ZNF711: variants seen among roughly 807,000 people sequenced by gnomAD.
ZNF711 encodes ZFX family zinc finger ZNF711.
A neutral mutation model predicts 43.5 loss-of-function variants in ZNF711; 3 were observed. The observed-to-expected ratio is 0.07, with a 90% confidence interval of 0.03 to 0.18. The LOEUF (loss-of-function observed/expected upper bound fraction) is 0.18, where lower values mean the gene tolerates loss of function less well. ZNF711 is among the 10% of genes least tolerant of loss of function. The pLI, the probability that ZNF711 is intolerant of heterozygous loss-of-function variation, is 1.00. For synonymous variants in ZNF711, 209 were observed against 207.7 expected, an observed-to-expected ratio of 1.01 and a Z score of -0.06; for missense variants, 412 against 604.0, an observed-to-expected ratio of 0.68 and a Z score of 3.33.
At chrX:85,257,652 T>C (rs1016788259) in intron 5 of ZNF711, among the ~76,000 whole-genome samples, 3 of 112,582 alleles carry the variant, frequency 2.7e-5, no homozygotes, top group African/African-American at 9.7e-5. Flanking sequence ...TGTGTCTTCA[T>C]GGTAGAATGA....
chrX:85,254,454 A>G (rs1477247972), intron 4 of ZNF711, among the ~76,000 whole-genome samples: 1 of 83,412 alleles, frequency 1.2e-5, no homozygotes, highest in African/African-American at 5.5e-5. Context: ...AAAAATACAA[A>G]AAATTAGCCG....
intron 5 of ZNF711, among the ~76,000 whole-genome samples, chrX:85,256,980 T>C (rs1249445462): frequency 9.0e-6 from 1 of 111,635 alleles, no homozygotes; most frequent in Non-Finnish European, 1.9e-5. Flanking sequence ...TAAAATTCAG[T>C]ATGTCTTCAA....
Position 85,271,301 on chromosome X carries a change from C to A in ZNF711, c.1897C>A (p.His633Asn). 1 of 1,210,434 alleles carries A rather than the reference C, an allele frequency of 8.3e-7. No homozygotes were observed. Among genetic ancestry groups the A allele is most frequent in the Non-Finnish European group, 1.1e-6 (1 of 894,901 alleles). Residue 633 changes from histidine to asparagine, a missense_variant, in exon 11 of 11, where the codon CAT becomes AAT. Transcript: ENST00000674551. ...LQRHLDLFQG[H>N]KTHQCPHCDH... ...ACGCCATCTGGATTTGTTTCAAGGA[C>A]ATAAGACACACCAGTGTCCTCATTG...
chrX:85,254,212 T>A (rs1929819697), intron 4 of ZNF711, among the ~76,000 whole-genome samples: 1 of 111,248 alleles, frequency 9.0e-6, no homozygotes, highest in Admixed American at 9.5e-5. Flanking sequence ...TAAGTGCATA[T>A]TTAGTTTTGT....
At chrX:85,269,538 G>T (rs1931393583) in intron 9 of ZNF711, among the ~76,000 whole-genome samples, 1 of 108,422 alleles carries the variant, frequency 9.2e-6, no homozygotes, top group African/African-American at 3.4e-5. Flanking sequence ...ATGCCACCAT[G>T]CCTGACCAAT....
At chrX:85,260,607 C>T (rs1044695240) in intron 5 of ZNF711, among the ~76,000 whole-genome samples, 4 of 29,189 alleles carry the variant, frequency 1.4e-4, no homozygotes, top group African/African-American at 2.4e-4. Flanking sequence ...AGCTGTTAGC[C>T]CCCCCCCCAT....
intron 1 of ZNF711, among the ~76,000 whole-genome samples, chrX:85,245,084 T>A (rs2147779416): frequency 8.9e-6 from 1 of 111,900 alleles, no homozygotes; most frequent in African/African-American, 3.3e-5. Flanking sequence ...GAGGGCTGCG[T>A]CCAAAGCTGC....
In ZNF711 at chrX:85,248,196, T is replaced by A. The variant is rs565725984; in HGVS notation, c.79+545T>A. ...TTTAAAAAAAAAAAAGAGGCCGGGC[T>A]TCGTGGCTCATGCCTGTAATCCCAG... On this transcript the variant is annotated intron_variant, in intron 4 of 10. Coordinates refer to ENST00000674551, the MANE Select transcript of ZNF711 (RefSeq NM_001330574.2). Among the ~76,000 whole-genome samples, 19 of 104,960 alleles carry A rather than the reference T, an allele frequency of 1.8e-4. No homozygotes were observed. The South Asian group carries it at 7.3e-3, about 40-fold the overall frequency. The allele number at this position is 104,960 out of a possible 115,157, so 91.1% of individuals were successfully genotyped here. A position where few individuals can be genotyped will look rare whatever the true frequency, so the allele number is the denominator to read the frequency against.
intron 2 of ZNF711, among the ~76,000 whole-genome samples, chrX:85,246,448 C>T (rs918677152): frequency 1.8e-5 from 2 of 112,100 alleles, no homozygotes; most frequent in African/African-American, 6.5e-5. Flanking sequence ...CTCTGAGACT[C>T]TCCTGCCTCC....
intron 4 of ZNF711, among the ~76,000 whole-genome samples, chrX:85,248,121 C>A (rs1929189060): frequency 9.3e-6 from 1 of 107,498 alleles, no homozygotes; most frequent in Non-Finnish European, 1.9e-5. Flanking sequence ...GATGCTATTT[C>A]CTCAGAAAGT....
intron 4 of ZNF711, among the ~76,000 whole-genome samples, chrX:85,251,202 T>C (rs1929523739): frequency 9.5e-6 from 1 of 105,405 alleles, no homozygotes; most frequent in African/African-American, 3.4e-5. Context: ...GATCTCCAAA[T>C]TCTGTAAGGT....
At chrX:85,267,463 AC>A in intron 8 of ZNF711, 48 bp downstream of exon 8, 2 of 1,018,588 alleles carry the variant, frequency 2.0e-6, no homozygotes, top group African/African-American at 1.9e-5. Context: ...ATATGTATTT[AC>A]TCAGCCTTTA....
chrX:85,256,916 A>T (rs1930193087), intron 5 of ZNF711, among the ~76,000 whole-genome samples: 1 of 111,300 alleles, frequency 9.0e-6, no homozygotes, highest in Admixed American at 9.6e-5. Context: ...TTTTTAAAAG[A>T]TCTATAGTAT....
intron 8 of ZNF711, among the ~76,000 whole-genome samples, chrX:85,267,621 A>G (rs1353538871): frequency 1.8e-5 from 2 of 111,855 alleles, no homozygotes; most frequent in Non-Finnish European, 3.8e-5. Flanking sequence ...TGCTTAATGC[A>G]TTATGTTTTT....
At chrX:85,269,161 A>G (rs1226173322) in intron 9 of ZNF711, among the ~76,000 whole-genome samples, 1 of 111,212 alleles carries the variant, frequency 9.0e-6, no homozygotes, top group Non-Finnish European at 1.9e-5. Flanking sequence ...TATATCAAGT[A>G]CACTATTCTG....
At chrX:85,259,469 C>A (rs921464201) in intron 5 of ZNF711, among the ~76,000 whole-genome samples, 15 of 111,415 alleles carry the variant, frequency 1.3e-4, no homozygotes, top group African/African-American at 4.6e-4. Flanking sequence ...AGCATTGAAT[C>A]TGTAGATTGC....
chrX:85,256,505 T>G (rs992209549), intron 5 of ZNF711, among the ~76,000 whole-genome samples: 2 of 111,579 alleles, frequency 1.8e-5, no homozygotes, highest in African/African-American at 3.2e-5. Context: ...GTAGGTATAT[T>G]AGTTATTAAA....
At chrX:85,263,490 TTAGAG>T (rs1443429720) in intron 5 of ZNF711, among the ~76,000 whole-genome samples, 2 of 110,429 alleles carry the variant, frequency 1.8e-5, no homozygotes, top group Non-Finnish European at 1.9e-5. Context: ...CCTGCAGAAA[TTAGAG>T]TATTTACTAA....
At chrX:85,250,992 T>G (rs1323681398) in intron 4 of ZNF711, among the ~76,000 whole-genome samples, 3 of 111,597 alleles carry the variant, frequency 2.7e-5, no homozygotes, top group Non-Finnish European at 3.8e-5. Flanking sequence ...AGATTTCTTC[T>G]GAAAGCAGCC....
Sources: gnomAD v4.1 joint callset for allele counts (sites outside exome capture counted in the v4.1 genomes callset) on GRCh38, gnomAD v4.1.1 for gene constraint, MANE v1.5 for transcripts, NCBI Gene and HGNC (gene_info 2026-07-23, HGNC 2026-07-21) for gene names.